The following CCSER1 variants were observed in gnomAD, a reference collection of about 807,000 sequenced individuals.
CCSER1 encodes the protein coiled-coil serine rich protein 1.
Under a neutral mutation model 82.0 loss-of-function variants are expected in CCSER1, and 41 were observed. The ratio of observed to expected loss-of-function variants is 0.50; its 90% confidence interval spans 0.39 to 0.65. The LOEUF (loss-of-function observed/expected upper bound fraction) is 0.65, where lower values mean the gene tolerates loss of function less well. Among genes scored for constraint, CCSER1 ranks in the 30% least tolerant of loss-of-function variants. The probability of loss-of-function intolerance (pLI) is 0.00; values close to 1 mark genes in which losing one functional copy is unlikely to be tolerated. For missense variants in CCSER1, 1,119 were observed against 1,064.2 expected, an observed-to-expected ratio of 1.05 and a Z score of -0.72; for synonymous variants, 414 against 383.9, an observed-to-expected ratio of 1.08 and a Z score of -0.92.
chr4:91,077,612 G>A (rs991033053), intron 9 of CCSER1, among the ~76,000 whole-genome samples: 2 of 152,308 alleles, frequency 1.3e-5, no homozygotes, highest in East Asian at 3.9e-4. Flanking sequence ...GGGCTTGCCA[G>A]ACAAATGGGT....
chr4:91,374,668 G>A (rs1027066435), intron 10 of CCSER1, among the ~76,000 whole-genome samples: 1 of 152,208 alleles, frequency 6.6e-6, no homozygotes, highest in Non-Finnish European at 1.5e-5. Context: ...CATGGATCAA[G>A]GAATAATTTT....
At chr4:90,856,082 A>G (rs1764434164) in intron 8 of CCSER1, among the ~76,000 whole-genome samples, 1 of 152,166 alleles carries the variant, frequency 6.6e-6, no homozygotes, top group African/African-American at 2.4e-5. Context: ...TATGCAAAAT[A>G]TTAATTTAAT....
At chr4:90,738,597 C>A (rs138276591) in intron 7 of CCSER1, among the ~76,000 whole-genome samples, 1 of 152,212 alleles carries the variant, frequency 6.6e-6, no homozygotes, top group Non-Finnish European at 1.5e-5. Context: ...TCCCAAGGCC[C>A]ACTGTGACCT....
intron 10 of CCSER1, among the ~76,000 whole-genome samples, chr4:91,366,934 T>A (rs1749655528): frequency 2.0e-5 from 3 of 152,090 alleles, no homozygotes; most frequent in African/African-American, 7.2e-5. Context: ...TGTACTTTTT[T>A]TGAAATTGAA....
At chr4:90,214,864 A>G (rs1436859325) in intron 1 of CCSER1, among the ~76,000 whole-genome samples, 1 of 152,228 alleles carries the variant, frequency 6.6e-6, no homozygotes, top group Non-Finnish European at 1.5e-5. Context: ...TCTAGTAAAT[A>G]TGCTCTTCCA....
chr4:90,419,698 C>G (rs1490202949), intron 4 of CCSER1, among the ~76,000 whole-genome samples: 1 of 151,798 alleles, frequency 6.6e-6, no homozygotes, highest in African/African-American at 2.4e-5. Context: ...CACACCATTA[C>G]TTTTTAAAAA....
intron 5 of CCSER1, among the ~76,000 whole-genome samples, chr4:90,580,594 C>G (rs1161641943): frequency 1.3e-5 from 2 of 152,182 alleles, no homozygotes; most frequent in African/African-American, 4.8e-5. Flanking sequence ...GCAGAATATT[C>G]CAAGGGCTCA....
At chr4:91,307,136 T>C (rs548021290) in intron 10 of CCSER1, among the ~76,000 whole-genome samples, 1 of 152,098 alleles carries the variant, frequency 6.6e-6, no homozygotes, top group South Asian at 2.1e-4. Flanking sequence ...CCAATGATTT[T>C]TGAAAGAGTT....
chr4:90,907,351 AC>A (rs1725645818), intron 8 of CCSER1, among the ~76,000 whole-genome samples: 1 of 152,022 alleles, frequency 6.6e-6, no homozygotes, highest in Non-Finnish European at 1.5e-5. Flanking sequence ...ATCTGTTTAC[AC>A]CAGGATGCTG....
chr4:90,817,895 G>A (rs990847839), intron 8 of CCSER1, among the ~76,000 whole-genome samples: 1 of 152,008 alleles, frequency 6.6e-6, no homozygotes, highest in African/African-American at 2.4e-5. Context: ...TTATGGTGGA[G>A]GTTAAATTTT....
chr4:91,464,983 C>T (rs896618206), intron 10 of CCSER1, among the ~76,000 whole-genome samples: 4 of 152,150 alleles, frequency 2.6e-5, no homozygotes, highest in Non-Finnish European at 5.9e-5. Flanking sequence ...AGGAATTGAA[C>T]TCAGCTCTGC....
chr4:91,126,847 A>G (rs1319939141), intron 10 of CCSER1, among the ~76,000 whole-genome samples: 1 of 151,986 alleles, frequency 6.6e-6, no homozygotes, highest in African/African-American at 2.4e-5. Flanking sequence ...AAAAATCTAT[A>G]TTAAAATAAA....
At chr4:91,459,427 A>C (rs1756378168) in intron 10 of CCSER1, among the ~76,000 whole-genome samples, 1 of 152,148 alleles carries the variant, frequency 6.6e-6, no homozygotes, top group Non-Finnish European at 1.5e-5. Flanking sequence ...TTCCTAAGCC[A>C]GCATCCTACC....
At chr4:90,372,552 C>T (rs1747621208) in intron 3 of CCSER1, among the ~76,000 whole-genome samples, 1 of 152,034 alleles carries the variant, frequency 6.6e-6, no homozygotes, top group Admixed American at 6.6e-5. Context: ...AAGTTCGAGA[C>T]CACCCTGGCC....
intron 8 of CCSER1, among the ~76,000 whole-genome samples, chr4:90,916,727 A>T (rs1178217661): frequency 6.6e-6 from 1 of 152,196 alleles, no homozygotes; most frequent in African/African-American, 2.4e-5. Context: ...TGAACAGGCA[A>T]CCTACAAAAT....
chr4:90,934,419 T>C (rs139409522), intron 9 of CCSER1, among the ~76,000 whole-genome samples: 3,033 of 151,796 alleles, frequency 0.02, 40 homozygotes, highest in Non-Finnish European at 0.032. Context: ...AGTGTCAACA[T>C]GAACTTATTA....
intron 10 of CCSER1, among the ~76,000 whole-genome samples, chr4:91,113,621 G>A (rs1276567824): frequency 6.6e-6 from 1 of 152,056 alleles, no homozygotes; most frequent in African/African-American, 2.4e-5. Context: ...TTTCCCAATG[G>A]ATTAAATCTT....
intron 6 of CCSER1, among the ~76,000 whole-genome samples, chr4:90,671,149 A>G (rs1390622828): frequency 1.3e-5 from 2 of 152,206 alleles, no homozygotes; most frequent in East Asian, 3.9e-4. Context: ...TCTTGCCTTG[A>G]TGTTGATGGC....
chr4:90,705,081 G>A (rs1413990190), intron 6 of CCSER1, among the ~76,000 whole-genome samples: 1 of 152,140 alleles, frequency 6.6e-6, no homozygotes, highest in Admixed American at 6.5e-5. Context: ...TTTTTGCTCT[G>A]TTTTTTCCCC....
Sources: allele counts gnomAD v4.1 joint callset (sites outside exome capture counted in the v4.1 genomes callset), GRCh38; gene constraint gnomAD v4.1.1; transcripts MANE v1.5; gene names NCBI Gene and HGNC (gene_info 2026-07-23, HGNC 2026-07-21).